PAK1: variants seen among roughly 807,000 people sequenced by gnomAD.
PAK1 encodes p21 (RAC1) activated kinase 1.
Under a neutral mutation model 67.4 loss-of-function variants are expected in PAK1, and 29 were observed. The observed-to-expected ratio is 0.43, with a 90% CI of 0.32 to 0.59. PAK1 has a LOEUF of 0.59. PAK1 is among the 20% of genes least tolerant of loss of function. The pLI, the probability that PAK1 is intolerant of heterozygous loss-of-function variation, is 0.07. For missense variants in PAK1, 337 were observed against 670.7 expected, an observed-to-expected ratio of 0.50 and a Z score of 5.50; for synonymous variants, 223 against 237.4, an observed-to-expected ratio of 0.94 and a Z score of 0.56.
At chr11:77,421,584 T>A (rs1955265971) in intron 1 of PAK1, among the ~76,000 whole-genome samples, 2 of 152,146 alleles carry the variant, frequency 1.3e-5, no homozygotes, top group Non-Finnish European at 2.9e-5. Flanking sequence ...GAACTATTCC[T>A]TGCAAACAGT....
At chr11:77,479,318 A>C (rs529235339), upstream of PAK1, among the ~76,000 whole-genome samples, 1 of 152,170 alleles carries the variant, frequency 6.6e-6, no homozygotes, top group Non-Finnish European at 1.5e-5. Flanking sequence ...ACCCTGAGCA[A>C]AAGACCCATC....
At chr11:77,488,388 T>C in the PAK1 span, among the ~76,000 whole-genome samples, 1 of 152,104 alleles carries the variant, frequency 6.6e-6, no homozygotes, top group Non-Finnish European at 1.5e-5. Context: ...CAGACACCAA[T>C]GGACATCCAC....
the PAK1 span, among the ~76,000 whole-genome samples, chr11:77,503,953 G>A: frequency 1.3e-5 from 2 of 152,072 alleles, no homozygotes; most frequent in African/African-American, 4.8e-5. Context: ...GTGCAGTGGC[G>A]CGATCTCAAC....
At chr11:77,418,053 C>G (rs1339144973) in intron 1 of PAK1, among the ~76,000 whole-genome samples, 2 of 151,374 alleles carry the variant, frequency 1.3e-5, no homozygotes, top group African/African-American at 4.9e-5. Flanking sequence ...GCATTTTCTA[C>G]ACAATTCTTC....
chr11:77,455,596 C>T (rs1957048028), intron 1 of PAK1, among the ~76,000 whole-genome samples: 1 of 152,196 alleles, frequency 6.6e-6, no homozygotes, highest in South Asian at 2.1e-4. Flanking sequence ...ATTTCTTTAA[C>T]TCTCCCAAAG....
chr11:77,475,242 A>T (rs1299808647), upstream of PAK1: 2 of 152,170 alleles, frequency 1.3e-5, no homozygotes, highest in East Asian at 3.8e-4. Context: ...CAACATCCAT[A>T]TCAAGTTGGA....
chr11:77,466,771 C>T (rs1035555869), intron 1 of PAK1, among the ~76,000 whole-genome samples: 6 of 152,102 alleles, frequency 3.9e-5, no homozygotes, highest in Non-Finnish European at 8.8e-5. Context: ...AAGTCTAAGA[C>T]GGCTATGGTG....
At position 77,403,607 on chromosome 11, in the gene PAK1, C is replaced by CAGAGT. The variant is rs147257725; in HGVS notation, c.-21-11067_-21-11066insACTCT. Reference sequence around the variant, plus strand: ...CTAATCATGATCCATCAAAATTACTCAAACATCAAAAACCATCAACCCCTT... The same window carrying CAGAGT: ...CTAATCATGATCCATCAAAATTACTCAGAGTAAACATCAAAAACCATCAACCCCTT... On this transcript the variant is annotated intron_variant, in intron 1 of 14. Transcript: ENST00000356341. 5.3e-3 allele frequency among the ~76,000 whole-genome samples: 801 copies of CAGAGT among 152,262 alleles called. 9 individuals are homozygous for CAGAGT. The highest frequency in any genetic ancestry group is 0.018 in the African/African-American group (754 of 41,552).
chr11:77,328,695 T>C (rs28858991), intron 14 of PAK1, among the ~76,000 whole-genome samples: 53,828 of 151,784 alleles, frequency 0.35, 9,714 homozygotes, highest in South Asian at 0.51. Flanking sequence ...AGATCTAAAA[T>C]TGACACCCTT....
chr11:77,500,181 A>C, the PAK1 span, among the ~76,000 whole-genome samples: 1 of 152,234 alleles, frequency 6.6e-6, no homozygotes, highest in African/African-American at 2.4e-5. Context: ...TAAAGATCAA[A>C]ATATAAACCG....
chr11:77,502,614 C>T, the PAK1 span, among the ~76,000 whole-genome samples: 1 of 152,298 alleles, frequency 6.6e-6, no homozygotes, highest in Admixed American at 6.5e-5. Context: ...AAGAGACCTG[C>T]CCTGAAGTGT....
chr11:77,347,939 G>A (rs904816787), intron 9 of PAK1, among the ~76,000 whole-genome samples: 2 of 151,988 alleles, frequency 1.3e-5, no homozygotes, highest in African/African-American at 4.8e-5. Flanking sequence ...GGTTATATAA[G>A]TAGCTAAAGG....
chr11:77,426,143 G>GAGTCTCA (rs1034763696), intron 1 of PAK1, among the ~76,000 whole-genome samples: 5 of 147,980 alleles, frequency 3.4e-5, no homozygotes, highest in African/African-American at 7.6e-5. Flanking sequence ...AGAACAAAAG[G>GAGTCTCA]AGTCTCAGAC....
chr11:77,406,535 G>T (rs1320690784), intron 1 of PAK1, among the ~76,000 whole-genome samples: 1 of 152,104 alleles, frequency 6.6e-6, no homozygotes, highest in African/African-American at 2.4e-5. Flanking sequence ...CCAGCACTTT[G>T]GGGAGGCTGA....
At chr11:77,329,306 C>T (rs1045152251) in intron 14 of PAK1, 3 of 152,210 alleles carry the variant, frequency 2.0e-5, no homozygotes, top group Non-Finnish European at 4.4e-5. Context: ...CATCCTGATA[C>T]CAAAGCCTGG....
the PAK1 span, among the ~76,000 whole-genome samples, chr11:77,523,873 T>C: frequency 6.6e-6 from 1 of 152,186 alleles, no homozygotes; most frequent in East Asian, 1.9e-4. Flanking sequence ...AGTGTCACGT[T>C]TGGACCAGAT....
chr11:77,353,391 C>T, intron 8 of PAK1, 145 bp downstream of exon 8: 1 of 610,276 alleles, frequency 1.6e-6, no homozygotes, highest in Non-Finnish European at 3.0e-6. Flanking sequence ...TCAAGTCAGT[C>T]TCACATAACA....
chr11:77,495,035 G>A, the PAK1 span, among the ~76,000 whole-genome samples: 2 of 151,838 alleles, frequency 1.3e-5, no homozygotes, highest in East Asian at 1.9e-4. Context: ...GGTGACATGC[G>A]CCTGTAGTCC....
intron 10 of PAK1, among the ~76,000 whole-genome samples, chr11:77,341,914 T>A (rs1250070312): frequency 6.6e-6 from 1 of 152,248 alleles, no homozygotes; most frequent in African/African-American, 2.4e-5. Context: ...TTTTTTAATG[T>A]CCTGACTAAT....
Sources: allele counts gnomAD v4.1 joint callset (sites outside exome capture counted in the v4.1 genomes callset), GRCh38; gene constraint gnomAD v4.1.1; transcripts MANE v1.5; gene names NCBI Gene and HGNC (gene_info 2026-07-23, HGNC 2026-07-21).